The following SDK1 variants were observed in gnomAD, a reference collection of about 807,000 sequenced individuals.
The protein encoded by SDK1 is sidekick cell adhesion molecule 1.
SDK1 carries 157 observed loss-of-function variants against 245.5 expected under a neutral mutation model. The observed-to-expected ratio is 0.64, with a 90% CI of 0.56 to 0.73. The LOEUF (loss-of-function observed/expected upper bound fraction) is 0.73, where lower values mean the gene tolerates loss of function less well. SDK1 is among the 30% of genes least tolerant of loss of function. The probability of loss-of-function intolerance (pLI) is 0.00; values close to 1 mark genes in which losing one functional copy is unlikely to be tolerated. For synonymous variants in SDK1, 1,647 were observed against 1,278.5 expected, an observed-to-expected ratio of 1.29 and a Z score of -6.15; for missense variants, 3,583 against 3,002.3, an observed-to-expected ratio of 1.19 and a Z score of -4.52.
intron 1 of SDK1, among the ~76,000 whole-genome samples, chr7:3,613,639 G>T (rs1477365863): frequency 6.6e-6 from 1 of 151,954 alleles, no homozygotes; most frequent in Non-Finnish European, 1.5e-5. Flanking sequence ...TACATCACTG[G>T]GTATACACCC....
chr7:4,209,405 A>T (rs551866262), intron 37 of SDK1, among the ~76,000 whole-genome samples: 158 of 152,236 alleles, frequency 1.0e-3, no homozygotes, highest in African/African-American at 3.7e-3. Flanking sequence ...CGCCCACCTT[A>T]CACGGCGCCC....
intron 18 of SDK1, among the ~76,000 whole-genome samples, chr7:4,050,962 T>C (rs1789414097): frequency 7.1e-6 from 1 of 141,374 alleles, no homozygotes; most frequent in Non-Finnish European, 1.5e-5. Flanking sequence ...TTATATATAC[T>C]ATATATGTTA....
chr7:4,223,955 C>A (rs182525517), intron 40 of SDK1, among the ~76,000 whole-genome samples: 1 of 152,322 alleles, frequency 6.6e-6, no homozygotes, highest in East Asian at 1.9e-4. Flanking sequence ...GCTAATGAGT[C>A]CATGAAGCGT....
intron 4 of SDK1, among the ~76,000 whole-genome samples, chr7:3,681,509 A>C (rs896348952): frequency 1.3e-5 from 2 of 152,200 alleles, no homozygotes; most frequent in South Asian, 2.1e-4. Context: ...CAAGTCTTCA[A>C]ATTTATTTTT....
rs548919445 is a variant in SDK1, at chr7:3,772,576, T to C, written c.714-48874T>C. On this transcript the variant is annotated intron_variant, in intron 4 of 44. Coordinates refer to ENST00000404826, the MANE Select transcript of SDK1 (RefSeq NM_152744.4). ...ATTGCTTTTAAAAAAAGTATTAGCA[T>C]CTTAAATCATATAGAAAAAAGTGGA... 3.3e-4 allele frequency among the ~76,000 whole-genome samples: 50 copies of C among 152,330 alleles called. 1 individual carries two copies. The highest frequency in any genetic ancestry group is 1.2e-3 in the African/African-American group (50 of 41,586).
At chr7:3,918,711 G>T (rs1779476771) in intron 5 of SDK1, among the ~76,000 whole-genome samples, 1 of 152,098 alleles carries the variant, frequency 6.6e-6, no homozygotes, top group Admixed American at 6.5e-5. Flanking sequence ...TGCCAAAAAG[G>T]CTGGGACCAC....
At chr7:4,085,989 C>T (rs1230187465) in intron 22 of SDK1, among the ~76,000 whole-genome samples, 1 of 152,244 alleles carries the variant, frequency 6.6e-6, no homozygotes. Context: ...TCTCCTTACC[C>T]TGTTGCCTGT....
chr7:3,980,872 C>T (rs1464901040), intron 13 of SDK1, among the ~76,000 whole-genome samples: 2 of 151,292 alleles, frequency 1.3e-5, no homozygotes, highest in African/African-American at 4.9e-5. Flanking sequence ...ACTCAGGAGG[C>T]GGAGGTTGCA....
At chr7:3,603,400 C>G (rs1781312297) in intron 1 of SDK1, among the ~76,000 whole-genome samples, 1 of 151,278 alleles carries the variant, frequency 6.6e-6, no homozygotes, top group Non-Finnish European at 1.5e-5. Flanking sequence ...TCCTTCATAT[C>G]CCTTGTAAGG....
chr7:3,974,427 G>C lies in SDK1; in HGVS notation c.1876G>C (p.Val626Leu). Residue 626 changes from valine (V) to leucine (L), a missense_variant, in exon 13 of 45, where the codon GTG (valine) becomes CTG (leucine). Transcript: ENST00000404826. The part of the protein sequence containing the change: ...LTPSSTSRIV[V>L]EKDGSLLISQ... ...TCCATCGAGCACGTCTAGGATCGTGGTGGAGAAGGACGGGTCCCTTCTCAT... is the reference window on the plus strand; with the variant it reads ...TCCATCGAGCACGTCTAGGATCGTGCTGGAGAAGGACGGGTCCCTTCTCAT... The C allele has an allele frequency of 6.2e-7, 1 of 1,614,182 alleles. No homozygotes were observed. The highest frequency in any genetic ancestry group is 8.5e-7 in the Non-Finnish European group (1 of 1,180,032).
chr7:3,933,093 C>T (rs554712467), intron 5 of SDK1, among the ~76,000 whole-genome samples: 56 of 151,548 alleles, frequency 3.7e-4, no homozygotes, highest in Admixed American at 9.9e-4. Flanking sequence ...CTCCATCCTC[C>T]GCATCCTCCG....
At chr7:3,657,383 G>A (rs1363988073) in intron 4 of SDK1, among the ~76,000 whole-genome samples, 2 of 152,128 alleles carry the variant, frequency 1.3e-5, no homozygotes, top group African/African-American at 2.4e-5. Context: ...TAGCATTCCC[G>A]GGTGGGGCAC....
intron 5 of SDK1, among the ~76,000 whole-genome samples, chr7:3,887,491 C>T (rs969221342): frequency 1.3e-5 from 2 of 152,094 alleles, no homozygotes; most frequent in African/African-American, 4.8e-5. Flanking sequence ...TAGGGCATTT[C>T]CTGGGGATTT....
intron 4 of SDK1, among the ~76,000 whole-genome samples, chr7:3,708,753 G>A (rs1468797135): frequency 1.3e-5 from 2 of 152,110 alleles, no homozygotes; most frequent in Non-Finnish European, 2.9e-5. Context: ...AGTTTGAAAC[G>A]AGATTTGGGC....
At chr7:4,215,642 G>T (rs1364915827) in intron 38 of SDK1, among the ~76,000 whole-genome samples, 8 of 152,246 alleles carry the variant, frequency 5.3e-5, no homozygotes, top group Admixed American at 3.3e-4. Flanking sequence ...CCAAAGGACT[G>T]CCCCGCGGTA....
At chr7:3,549,688 T>C (rs888890342) in intron 1 of SDK1, among the ~76,000 whole-genome samples, 2 of 152,156 alleles carry the variant, frequency 1.3e-5, no homozygotes, top group African/African-American at 4.8e-5. Context: ...AAGCTGAAAA[T>C]TATCACAGAA....
At chr7:3,945,561 A>T (rs1163905611) in intron 5 of SDK1, among the ~76,000 whole-genome samples, 5 of 151,610 alleles carry the variant, frequency 3.3e-5, no homozygotes, top group Admixed American at 6.5e-5. Flanking sequence ...GGGAGTCACA[A>T]TATGGTTACT....
chr7:3,618,755 A>G (rs1781846361), intron 1 of SDK1, among the ~76,000 whole-genome samples: 1 of 152,226 alleles, frequency 6.6e-6, no homozygotes, highest in Non-Finnish European at 1.5e-5. Context: ...TAGATTGCCT[A>G]GTTAAAACCA....
At chr7:3,331,768 A>G (rs1780074892) in intron 1 of SDK1, among the ~76,000 whole-genome samples, 1 of 152,090 alleles carries the variant, frequency 6.6e-6, no homozygotes, top group African/African-American at 2.4e-5. Flanking sequence ...GATCTCAATC[A>G]CTTATTCCTT....
Sources: allele counts gnomAD v4.1 joint callset (sites outside exome capture counted in the v4.1 genomes callset), GRCh38; gene constraint gnomAD v4.1.1; transcripts MANE v1.5; gene names NCBI Gene and HGNC (gene_info 2026-07-23, HGNC 2026-07-21).